Variants in FBXL7 observed in about 807,000 individuals in gnomAD.
The protein encoded by FBXL7 is F-box and leucine rich repeat protein 7.
A neutral mutation model predicts 38.3 loss-of-function variants in FBXL7; 12 were observed. The ratio of observed to expected loss-of-function variants is 0.31; its 90% CI spans 0.20 to 0.51. The LOEUF (loss-of-function observed/expected upper bound fraction) is 0.51. Among genes scored for constraint, FBXL7 ranks in the 20% least tolerant of loss-of-function variants. The pLI, the probability that FBXL7 is intolerant of heterozygous loss-of-function variation, is 0.98. For missense variants in FBXL7, 567 were observed against 676.4 expected (o/e 0.84, Z 1.79); for synonymous variants, 297 against 300.9 (o/e 0.99, Z 0.13).
intron 1 of FBXL7, among the ~76,000 whole-genome samples, chr5:15,529,588 C>T (rs181195570): frequency 6.6e-6 from 1 of 152,132 alleles, no homozygotes; most frequent in African/African-American, 2.4e-5. Context: ...CGGGGTTTCA[C>T]CGTGTTAGCC....
intron 2 of FBXL7, among the ~76,000 whole-genome samples, chr5:15,828,187 C>A (rs257762): frequency 0.56 from 85,837 of 152,070 alleles, 24,819 homozygotes; most frequent in Non-Finnish European, 0.63. Context: ...AAAAACACAT[C>A]AAACATTTTA....
intron 2 of FBXL7, among the ~76,000 whole-genome samples, chr5:15,774,923 A>G (rs1450983916): frequency 6.6e-6 from 1 of 152,166 alleles, no homozygotes; most frequent in Non-Finnish European, 1.5e-5. Flanking sequence ...AGAAATTCCA[A>G]AGTAGGTGAG....
intron 1 of FBXL7, chr5:15,501,309 G>C (rs1736479318): frequency 1.9e-6 from 1 of 539,048 alleles, no homozygotes; most frequent in Non-Finnish European, 2.4e-6. Context: ...GCTGGAAATT[G>C]CACAGAAATA....
At chr5:15,929,923 A>T (rs1741995737) in intron 3 of FBXL7, among the ~76,000 whole-genome samples, 2 of 152,218 alleles carry the variant, frequency 1.3e-5, no homozygotes, top group Admixed American at 1.3e-4. Flanking sequence ...GTGAACAAAC[A>T]GAATCTGGGA....
At chr5:15,674,160 A>G (rs1255922624) in intron 2 of FBXL7, among the ~76,000 whole-genome samples, 1 of 152,226 alleles carries the variant, frequency 6.6e-6, no homozygotes, top group Non-Finnish European at 1.5e-5. Flanking sequence ...CTCAGAGACT[A>G]GATTAAGAAC....
At chr5:15,867,749 A>G (rs1739776169) in intron 2 of FBXL7, among the ~76,000 whole-genome samples, 1 of 152,188 alleles carries the variant, frequency 6.6e-6, no homozygotes, top group African/African-American at 2.4e-5. Context: ...CACAACCACA[A>G]CAAAGAGGCA....
At chr5:15,701,726 T>C (rs1743530138) in intron 2 of FBXL7, among the ~76,000 whole-genome samples, 1 of 152,136 alleles carries the variant, frequency 6.6e-6, no homozygotes, top group African/African-American at 2.4e-5. Flanking sequence ...TAACATGAAA[T>C]TCAGGAAAGT....
intron 1 of FBXL7, among the ~76,000 whole-genome samples, chr5:15,571,109 A>C (rs951384043): frequency 1.2e-4 from 18 of 150,650 alleles, no homozygotes; most frequent in Non-Finnish European, 1.9e-4. Flanking sequence ...AAAAAAAAAA[A>C]AGAAAAAAGA....
intron 2 of FBXL7, among the ~76,000 whole-genome samples, chr5:15,822,168 T>C (rs1579493514): frequency 1.4e-5 from 2 of 145,118 alleles, no homozygotes; most frequent in Non-Finnish European, 3.0e-5. Context: ...CTGTCTAACA[T>C]GGTGAAAGCC....
At chr5:15,654,155 TAAA>T (rs1348693423) in intron 2 of FBXL7, among the ~76,000 whole-genome samples, 2 of 152,188 alleles carry the variant, frequency 1.3e-5, no homozygotes, top group Non-Finnish European at 2.9e-5. Context: ...AATTATTTCT[TAAA>T]GAAGGGTTTG....
chr5:15,640,836 T>C (rs1350549499), intron 2 of FBXL7, among the ~76,000 whole-genome samples: 1 of 152,140 alleles, frequency 6.6e-6, no homozygotes, highest in Non-Finnish European at 1.5e-5. Flanking sequence ...GGTGAGGGCT[T>C]TAACATATCT....
At chr5:15,580,298 A>C (rs1739095530) in intron 1 of FBXL7, among the ~76,000 whole-genome samples, 1 of 152,050 alleles carries the variant, frequency 6.6e-6, no homozygotes, top group Admixed American at 6.6e-5. Flanking sequence ...ACAAGAAATA[A>C]ATGTTTGTTG....
intron 2 of FBXL7, among the ~76,000 whole-genome samples, chr5:15,808,987 T>C (rs561613943): frequency 2.0e-5 from 3 of 152,308 alleles, no homozygotes; most frequent in African/African-American, 7.2e-5. Context: ...ACCCCAGTCA[T>C]TTTCCTTAAG....
intron 2 of FBXL7, among the ~76,000 whole-genome samples, chr5:15,741,317 A>C (rs115132986): frequency 3.3e-4 from 50 of 152,356 alleles, no homozygotes; most frequent in African/African-American, 1.2e-3. Context: ...GTTTTACCTT[A>C]TATGAAACAT....
intron 2 of FBXL7, among the ~76,000 whole-genome samples, chr5:15,658,950 GT>G: frequency 6.6e-6 from 1 of 152,006 alleles, no homozygotes; most frequent in Non-Finnish European, 1.5e-5. Context: ...ATGAGGGGTG[GT>G]TTCCTCCCCT....
intron 1 of FBXL7, among the ~76,000 whole-genome samples, chr5:15,601,779 T>C (rs1739801490): frequency 6.6e-6 from 1 of 152,208 alleles, no homozygotes; most frequent in African/African-American, 2.4e-5. Context: ...GATTTTCTGC[T>C]ATTTAATTCG....
At chr5:15,628,210 A>G (rs1225304079) in intron 2 of FBXL7, among the ~76,000 whole-genome samples, 1 of 152,140 alleles carries the variant, frequency 6.6e-6, no homozygotes, top group Non-Finnish European at 1.5e-5. Flanking sequence ...ACTGAGGGAC[A>G]TTTATTCTTC....
At chr5:15,770,075 A>G (rs1736689519) in intron 2 of FBXL7, among the ~76,000 whole-genome samples, 1 of 152,180 alleles carries the variant, frequency 6.6e-6, no homozygotes. Flanking sequence ...GGAATCACAG[A>G]CTATTAAAGC....
chr5:15,530,342 C>A (rs759655860), intron 1 of FBXL7, among the ~76,000 whole-genome samples: 2 of 152,062 alleles, frequency 1.3e-5, no homozygotes, highest in Non-Finnish European at 2.9e-5. Flanking sequence ...TCTTGGAATA[C>A]AAAAATAGAA....
Sources: allele counts gnomAD v4.1 joint callset (sites outside exome capture counted in the v4.1 genomes callset), GRCh38; gene constraint gnomAD v4.1.1; transcripts MANE v1.5; gene names NCBI Gene and HGNC (gene_info 2026-07-23, HGNC 2026-07-21).